The following CEACAM8 variants were observed in gnomAD, a reference collection of about 807,000 sequenced individuals.
CEACAM8 encodes CEA cell adhesion molecule 8, also known as cell adhesion molecule CEACAM8.
In CEACAM8, 31 loss-of-function variants were observed where a neutral mutation model predicts 33.4. The ratio of observed to expected loss-of-function variants is 0.93; its 90% CI spans 0.70 to 1.25. The LOEUF (loss-of-function observed/expected upper bound fraction) is 1.25, where lower values mean the gene tolerates loss of function less well. Among genes scored for constraint, CEACAM8 ranks in the 50% most tolerant of loss-of-function variants. CEACAM8 has a pLI of 0.00. For synonymous variants in CEACAM8, 138 were observed against 164.5 expected (o/e 0.84, Z 1.23); for missense variants, 388 against 434.6 (o/e 0.89, Z 0.95).
At chr19:42,589,818 C>G in intron 2 of CEACAM8, 83 bp from the exon 3 acceptor site, 1 of 1,602,186 alleles carries the variant, frequency 6.2e-7, no homozygotes, top group East Asian at 2.2e-5. Context: ...GTTGGCATCT[C>G]CCACCTCTCA....
chr19:42,591,593 C>T (rs1399102368), intron 2 of CEACAM8, among the ~76,000 whole-genome samples: 4 of 152,166 alleles, frequency 2.6e-5, no homozygotes, highest in Non-Finnish European at 5.9e-5. Flanking sequence ...CTCTTGACCT[C>T]GGGAGACACA....
intron 2 of CEACAM8, 38 bp downstream of exon 2, chr19:42,593,503 T>G (rs780226604): frequency 6.5e-7 from 1 of 1,537,476 alleles, no homozygotes; most frequent in Non-Finnish European, 8.8e-7. Context: ...GAAGTAGAAC[T>G]GACCCCCAAC....
chr19:42,587,229 A>G (rs956993401), intron 4 of CEACAM8, among the ~76,000 whole-genome samples: 6 of 152,250 alleles, frequency 3.9e-5, no homozygotes, highest in Non-Finnish European at 7.3e-5. Context: ...TGGATCCAGC[A>G]ATTCCACTTC....
chr19:42,589,848 A>G, intron 2 of CEACAM8, 113 bp from the exon 3 acceptor site: 1 of 1,568,978 alleles, frequency 6.4e-7, no homozygotes. Context: ...AGTCCTTAAA[A>G]GCCCACGGTG....
chr19:42,593,506 C>T (rs374154052), intron 2 of CEACAM8, 35 bp downstream of exon 2: 34 of 1,538,052 alleles, frequency 2.2e-5, no homozygotes, highest in Admixed American at 8.0e-5. Context: ...GTAGAACTGA[C>T]CCCCAACACC....
At chr19:42,591,039 G>A (rs912299879) in intron 2 of CEACAM8, among the ~76,000 whole-genome samples, 4 of 152,170 alleles carry the variant, frequency 2.6e-5, no homozygotes, top group South Asian at 2.1e-4. Context: ...TGAGAATCAC[G>A]TTAGTGGCCA....
At chr19:42,586,883 A>G (rs1327984450) in intron 4 of CEACAM8, among the ~76,000 whole-genome samples, 2 of 152,206 alleles carry the variant, frequency 1.3e-5, no homozygotes, top group Non-Finnish European at 2.9e-5. Context: ...ACAAATCCAC[A>G]ACAGCAAAAA....
chr19:42,585,285 G>A (rs1199997321), intron 4 of CEACAM8, among the ~76,000 whole-genome samples: 1 of 143,044 alleles, frequency 7.0e-6, no homozygotes, highest in African/African-American at 2.7e-5. Flanking sequence ...GCTGACCTAA[G>A]GAGTGAGACT....
intron 4 of CEACAM8, 62 bp downstream of exon 4, chr19:42,588,722 C>T: frequency 2.5e-6 from 4 of 1,584,456 alleles, no homozygotes; most frequent in African/African-American, 1.3e-5. Context: ...TCTGGCTCAT[C>T]TCTGAAAGCC....
Position 42,589,481 on chromosome 19 carries a change from C to G in CEACAM8, c.679G>C (p.Asp227His). 6.2e-7 allele frequency: 1 copy of G among 1,614,198 alleles called. No homozygotes were observed. The highest frequency in any genetic ancestry group is 8.5e-7 in the Non-Finnish European group (1 of 1,180,036). ...CAGAGGACATTCAGGGTGACTGGGT[C>G]ACTGAAGTTTGCACTCGCTGGGTTC... ...IQNPASANFSDPVTLNVLYGP... is the reference protein window; with the variant it reads ...IQNPASANFSHPVTLNVLYGP... Residue 227 changes from aspartate to histidine, a missense_variant, in exon 3 of 6, where the codon GAC (aspartate) becomes CAC (histidine). Asp to His is a moderately conservative substitution (Grantham distance 81). Coordinates refer to ENST00000244336, the MANE Select transcript of CEACAM8 (RefSeq NM_001816.4).
chr19:42,591,659 G>A (rs1047919889), intron 2 of CEACAM8, among the ~76,000 whole-genome samples: 1 of 152,156 alleles, frequency 6.6e-6, no homozygotes, highest in African/African-American at 2.4e-5. Flanking sequence ...AGACGCCAGT[G>A]GCTCATGCGT....
chr19:42,581,189 C>T lies in CEACAM8; in HGVS notation c.*205G>A, dbSNP rs963352981. 1 of 151,794 alleles carries T rather than the reference C, an allele frequency of 6.6e-6. No homozygotes were observed. Among genetic ancestry groups the T allele is most frequent in the Non-Finnish European group, 1.5e-5 (1 of 68,000 alleles). The allele number at this position is 151,794 out of a possible 1,614,324, so 9.4% of individuals were successfully genotyped here. On this transcript the variant is annotated 3_prime_UTR_variant, in exon 6 of 6. Coordinates refer to ENST00000244336, the MANE Select transcript of CEACAM8 (RefSeq NM_001816.4). Reference sequence around the variant, plus strand: ...TTGGTGGGCAACTTCACAAAGGTATCAGCCTGTTTGCAAGTTCATAGACAG... The same window carrying T: ...TTGGTGGGCAACTTCACAAAGGTATTAGCCTGTTTGCAAGTTCATAGACAG...
chr19:42,591,708 C>T (rs1306229548), intron 2 of CEACAM8, among the ~76,000 whole-genome samples: 1 of 152,174 alleles, frequency 6.6e-6, no homozygotes, highest in Non-Finnish European at 1.5e-5. Context: ...ACAATGGTGC[C>T]ATCATGAGGA....
Position 42,593,767 on chromosome 19 carries a change from G to A in CEACAM8, c.198C>T (p.Asn66=), listed in dbSNP as rs756162369. ...CATCCACTGTTTCCCCTTTGTACCA[G>A]TTGTAGCCACGAGGGTCCTGGGGCA... is the stretch of plus-strand genomic sequence containing the variant. ...HNLPQDPRGY[N]WYKGETVDAN... The change falls in exon 2 of 6, where the codon AAC becomes AAT. Residue 66 remains asparagine, a synonymous_variant. Coordinates refer to ENST00000244336, the MANE Select transcript of CEACAM8 (RefSeq NM_001816.4). The A allele has an allele frequency of 1.8e-5, 29 of 1,613,934 alleles. No homozygotes were observed. In the South Asian group the frequency reaches 3.0e-4, roughly 16 times the overall value.
At position 42,588,810 on chromosome 19, in the gene CEACAM8, G is replaced by A; in HGVS notation, c.932C>T (p.Thr311Ile). 6.2e-7 allele frequency: 1 copy of A among 1,614,216 alleles called. No individual in the cohort carries two copies. The highest frequency in any genetic ancestry group is 8.5e-7 in the Non-Finnish European group (1 of 1,180,032). The change falls in exon 4 of 6, where the codon ACC (threonine) becomes ATC (isoleucine). Residue 311 changes from threonine (T) to isoleucine (I), a missense_variant. Physicochemically the swap from Thr to Ile is moderately conservative, Grantham distance 89. Coordinates refer to ENST00000244336, the MANE Select transcript of CEACAM8 (RefSeq NM_001816.4). ...TTNSATGRNRTTVRMITVSDA... is the reference protein window; with the variant it reads ...TTNSATGRNRITVRMITVSDA... ...AGAGACTGTGATCATCCTGACTGTG[G>A]TCCTGTTGCGGCCAGTGGCTGAGTT...
rs548430931 is a variant in CEACAM8, at chr19:42,583,169, C to G, written c.*40+37G>C. ...CTCTCTCCCAAGCATGGCGGTCAGC[C>G]CTGCAGGAAACAGGACAAGAGGAAA... is the stretch of plus-strand genomic sequence containing the variant. On this transcript the variant is annotated intron_variant, in intron 5 of 5. Coordinates refer to ENST00000244336, the MANE Select transcript of CEACAM8 (RefSeq NM_001816.4). 8.7e-6 allele frequency: 8 copies of G among 924,188 alleles called. No homozygotes were observed. In the East Asian group the frequency reaches 2.0e-4, roughly 23 times the overall value. The allele number at this position is 924,188 out of a possible 1,614,324, so 57.2% of individuals were successfully genotyped here. A position where few individuals can be genotyped will look rare whatever the true frequency, so the allele number is the denominator to read the frequency against.
Position 42,583,309 on chromosome 19 carries a change from G to T in CEACAM8, c.987C>A (p.Gly329=). ...TGCTGACAGTGGCTCTAGCTGAGAG[G>T]CCAGGAGAACTTCCTTGTACTAAAG... The part of the protein sequence containing the change: ...SDALVQGSSP[G]LSARATVSIM... Residue 329 remains glycine, a synonymous_variant, in exon 5 of 6, where the codon GGC becomes GGA. Transcript: ENST00000244336. The T allele has an allele frequency of 6.2e-7, 1 of 1,613,062 alleles. No homozygotes were observed. Among genetic ancestry groups the T allele is most frequent in the Non-Finnish European group, 8.5e-7 (1 of 1,179,112 alleles).
At chr19:42,581,533 G>T (rs565945389) in intron 5 of CEACAM8, among the ~76,000 whole-genome samples, 180 bp from the exon 6 acceptor site, 1 of 152,206 alleles carries the variant, frequency 6.6e-6, no homozygotes, top group Admixed American at 6.5e-5. Flanking sequence ...TAACATAACC[G>T]TAAATATAAC....
At chr19:42,588,479 A>G (rs1016815638) in intron 4 of CEACAM8, among the ~76,000 whole-genome samples, 58 of 152,180 alleles carry the variant, frequency 3.8e-4, no homozygotes, top group African/African-American at 1.4e-3. Flanking sequence ...AAGAAAAGCA[A>G]CTTGACCTTG....
Sources: allele counts gnomAD v4.1 joint callset (sites outside exome capture counted in the v4.1 genomes callset), GRCh38; gene constraint gnomAD v4.1.1; transcripts MANE v1.5; gene names NCBI Gene and HGNC (gene_info 2026-07-23, HGNC 2026-07-21).